AADACL2: variants seen among roughly 807,000 people sequenced by gnomAD.
AADACL2 encodes the protein arylacetamide deacetylase like 2.
AADACL2 carries 23 observed loss-of-function variants against 22.3 expected under a neutral mutation model. The observed-to-expected ratio is 1.03, with a 90% CI of 0.74 to 1.46. AADACL2 has a LOEUF of 1.46. Among genes scored for constraint, AADACL2 ranks in the 40% most tolerant of loss-of-function variants. The probability of loss-of-function intolerance (pLI) is 0.00; values close to 1 mark genes in which losing one functional copy is unlikely to be tolerated. For synonymous variants in AADACL2, 177 were observed against 166.2 expected, an observed-to-expected ratio of 1.07 and a Z score of -0.50; for missense variants, 472 against 482.9, an observed-to-expected ratio of 0.98 and a Z score of 0.21.
intron 4 of AADACL2, among the ~76,000 whole-genome samples, chr3:151,747,820 C>A (rs781688919): frequency 9.2e-5 from 14 of 152,076 alleles, no homozygotes; most frequent in Non-Finnish European, 1.6e-4. Context: ...GCTGAATCAT[C>A]TGGTAGTTCC....
Position 151,734,101 on chromosome 3 carries a change from C to T in AADACL2, c.66C>T (p.Pro22=). ...CVLFVSHFYT[P]MPDNIEESWK... Reference sequence around the variant, plus strand: ...TTTTTGTCTCTCATTTTTACACACCCATGCCAGACAACATTGAAGAAAGCT... The same window carrying T: ...TTTTTGTCTCTCATTTTTACACACCTATGCCAGACAACATTGAAGAAAGCT... The change falls in exon 1 of 5, where the codon CCC becomes CCT. Residue 22 remains proline, a synonymous_variant. Transcript: ENST00000356517. The T allele has an allele frequency of 6.2e-7, 1 of 1,613,580 alleles. No individual in the cohort carries two copies. The highest frequency in any genetic ancestry group is 1.1e-5 in the South Asian group (1 of 91,042).
At position 151,760,725 on chromosome 3, in the gene AADACL2, T is replaced by C. The variant is rs1479432244; in HGVS notation, c.*3131T>C. 1 of 152,176 alleles carries C rather than the reference T, an allele frequency of 6.6e-6. No homozygotes were observed. Among genetic ancestry groups the C allele is most frequent in the Non-Finnish European group, 1.5e-5 (1 of 68,020 alleles). The allele number at this position is 152,176 out of a possible 1,614,324, so 9.4% of individuals were successfully genotyped here. On this transcript the variant is annotated 3_prime_UTR_variant, in exon 5 of 5. Transcript: ENST00000356517. ...GTTTGCTAGAGCTGCTATAACAAAG[T>C]ATCACAAACTGAGTGCCTTAAATAA... is the stretch of plus-strand genomic sequence containing the variant.
chr3:151,760,255 C>T lies in AADACL2; in HGVS notation c.*2661C>T, dbSNP rs527997362. The T allele has an allele frequency of 6.6e-6, 1 of 152,200 alleles. No individual in the cohort carries two copies. Among genetic ancestry groups the T allele is most frequent in the East Asian group, 1.9e-4 (1 of 5,182 alleles). The allele number at this position is 152,200 out of a possible 1,614,324, so 9.4% of individuals were successfully genotyped here. The stretch of plus-strand genomic sequence containing the variant: ...CCCCATGGCATTACAGCTAAAAATT[C>T]CAACGTTTTCAGTCTCTTTGTAGCT... On this transcript the variant is annotated 3_prime_UTR_variant, in exon 5 of 5. Transcript: ENST00000356517.
intron 2 of AADACL2, 125 bp from the exon 3 acceptor site, chr3:151,743,968 T>C: frequency 3.3e-6 from 3 of 915,132 alleles, no homozygotes; most frequent in Non-Finnish European, 5.0e-6. Context: ...TGCTTGGAAA[T>C]GGGGGGTGGA....
chr3:151,757,708 T>A lies in AADACL2; in HGVS notation c.*114T>A. 1 of 1,319,062 alleles carries A rather than the reference T, an allele frequency of 7.6e-7. No individual in the cohort carries two copies. Among genetic ancestry groups the A allele is most frequent in the Non-Finnish European group, 1.0e-6 (1 of 970,254 alleles). The allele number at this position is 1,319,062 out of a possible 1,614,324, so 81.7% of individuals were successfully genotyped here. ...TTATCTAAATCTACATTTGCAACAT[T>A]TGTAGCAGTTAATGTGTGTCCTTGA... On this transcript the variant is annotated 3_prime_UTR_variant, in exon 5 of 5. Coordinates refer to ENST00000356517, the MANE Select transcript of AADACL2 (RefSeq NM_207365.4).
At chr3:151,747,767 TACTG>T (rs1333873359) in intron 4 of AADACL2, among the ~76,000 whole-genome samples, 4 of 152,154 alleles carry the variant, frequency 2.6e-5, no homozygotes, top group African/African-American at 9.6e-5. Context: ...CTCTTCACAT[TACTG>T]ACTTTGTTTC....
rs1714094595 is a variant in AADACL2, at chr3:151,760,168, A to G, written c.*2574A>G. 6.6e-6 allele frequency: 1 copy of G among 152,154 alleles called. No individual in the cohort carries two copies. Among genetic ancestry groups the G allele is most frequent in the South Asian group, 2.1e-4 (1 of 4,830 alleles). 9.4% of individuals were successfully genotyped at this position (152,154 alleles called of 1,614,324 possible). ...GTGGTATAGAAACTACCTAGCTGTA[A>G]TGATGTATCTTTTAACAAATCTAAT... On this transcript the variant is annotated 3_prime_UTR_variant, in exon 5 of 5. Transcript: ENST00000356517.
chr3:151,737,898 C>CT (rs1289256343), intron 1 of AADACL2, among the ~76,000 whole-genome samples: 2 of 152,036 alleles, frequency 1.3e-5, no homozygotes, highest in African/African-American at 4.8e-5. Flanking sequence ...TGAGTCTTGA[C>CT]TTCTTATCCA....
At chr3:151,747,684 G>A (rs374413909) in intron 4 of AADACL2, among the ~76,000 whole-genome samples, 23 of 151,464 alleles carry the variant, frequency 1.5e-4, no homozygotes, top group African/African-American at 4.6e-4. Flanking sequence ...CCATTTATCC[G>A]GCTGACAAAC....
intron 4 of AADACL2, among the ~76,000 whole-genome samples, chr3:151,750,713 A>G (rs749696307): frequency 6.6e-6 from 1 of 152,162 alleles, no homozygotes; most frequent in Non-Finnish European, 1.5e-5. Flanking sequence ...TTTAAGTATT[A>G]TAAGATTCAG....
At chr3:151,749,180 T>C (rs969953213) in intron 4 of AADACL2, among the ~76,000 whole-genome samples, 55 of 152,206 alleles carry the variant, frequency 3.6e-4, no homozygotes, top group African/African-American at 1.3e-3. Context: ...AATCTTTTCA[T>C]TTACTTGTGT....
chr3:151,735,342 G>A (rs1327060884), intron 1 of AADACL2, among the ~76,000 whole-genome samples: 1 of 152,202 alleles, frequency 6.6e-6, no homozygotes, highest in African/African-American at 2.4e-5. Flanking sequence ...GAGCTACAGA[G>A]AGTAATTTTC....
intron 4 of AADACL2, among the ~76,000 whole-genome samples, chr3:151,746,570 A>C (rs999871263): frequency 1.3e-5 from 2 of 151,956 alleles, no homozygotes; most frequent in African/African-American, 4.8e-5. Flanking sequence ...ATATAGTATT[A>C]ACTGAAGGTT....
rs1485969332 is a variant in AADACL2 at position 151,740,703 on chromosome 3, T to C, written c.196T>C (p.Phe66Leu). The change falls in exon 2 of 5, where the codon TTC (phenylalanine) becomes CTC (leucine). Residue 66 changes from phenylalanine to leucine, a missense_variant. Coordinates refer to ENST00000356517, the MANE Select transcript of AADACL2 (RefSeq NM_207365.4). ...ATATGAAGAGTTTATATCCATGATA[T>C]TCAGGCTGGATTATACCCAACCACT... Reference protein sequence around the residue: ...MRYEEFISMIFRLDYTQPLSD... With the variant: ...MRYEEFISMILRLDYTQPLSD... The C allele has an allele frequency of 1.2e-6, 2 of 1,613,926 alleles. No individual in the cohort carries two copies. The highest frequency in any genetic ancestry group is 2.2e-5 in the East Asian group (1 of 44,824).
Position 151,740,812 on chromosome 3 carries a change from C to A in AADACL2, c.305C>A (p.Thr102Asn). 6.2e-7 allele frequency: 1 copy of A among 1,613,960 alleles called. No homozygotes were observed. Among genetic ancestry groups the A allele is most frequent in the Non-Finnish European group, 8.5e-7 (1 of 1,179,952 alleles). The change falls in exon 2 of 5, where the codon ACC becomes AAC. Residue 102 changes from threonine (T) to asparagine (N), a missense_variant. Physicochemically the swap from Thr to Asn is moderately conservative, Grantham distance 65. Around this residue, in one of 3 missense-constraint regions of AADACL2, gnomAD observed 356 missense variants for 365.5 expected, o/e 0.97. Coordinates refer to ENST00000356517, the MANE Select transcript of AADACL2 (RefSeq NM_207365.4). ...TACTTGCCAAAAAGAAAGTCAGAAA[C>A]CCGAAGGCGAGCTGTGATATATTTT... ...RLYLPKRKSE[T>N]RRRAVIYFHG...
Position 151,761,206 on chromosome 3 carries a change from TA to T in AADACL2, c.*3613del, listed in dbSNP as rs1714143299. 4 of 44,030 alleles carry T rather than the reference TA, an allele frequency of 9.1e-5. No individual in the cohort carries two copies. The allele number at this position is 44,030 out of a possible 1,614,324, so 2.7% of individuals were successfully genotyped here. A position where few individuals can be genotyped will look rare whatever the true frequency, so the allele number is the denominator to read the frequency against. On this transcript the variant is annotated 3_prime_UTR_variant, in exon 5 of 5. Transcript: ENST00000356517. ...ATGGTGAGATATATACATATTGTGATATATATATATATATATATATATATAT... is the reference window on the plus strand; with the variant it reads ...ATGGTGAGATATATACATATTGTGATTATATATATATATATATATATATAT...
chr3:151,747,147 C>T (rs1019500903), intron 4 of AADACL2, among the ~76,000 whole-genome samples: 2 of 152,038 alleles, frequency 1.3e-5, no homozygotes, highest in African/African-American at 2.4e-5. Flanking sequence ...TTAAGATGTA[C>T]AACATGATGT....
rs1713956535 is a variant in AADACL2 at position 151,757,233 on chromosome 3, A to G, written c.845A>G (p.Asn282Ser). 1.9e-6 allele frequency: 3 copies of G among 1,613,748 alleles called. 1 individual carries two copies. In the South Asian group the frequency reaches 3.3e-5, roughly 18 times the overall value. The change falls in exon 5 of 5, where the codon AAC becomes AGC. Residue 282 changes from asparagine (N) to serine (S), a missense_variant. Asn to Ser is a conservative substitution (Grantham distance 46). Coordinates refer to ENST00000356517, the MANE Select transcript of AADACL2 (RefSeq NM_207365.4). The part of the protein sequence containing the change: ...LESRHLFKFV[N>S]WSILLPEKYR... ...TCAAGACATCTGTTTAAGTTTGTTA[A>G]CTGGAGTATTCTTCTTCCTGAGAAG...
At chr3:151,738,678 G>C (rs1016963698) in intron 1 of AADACL2, among the ~76,000 whole-genome samples, 13 of 152,160 alleles carry the variant, frequency 8.5e-5, no homozygotes, top group Non-Finnish European at 1.9e-4. Context: ...ATTTCTTGGA[G>C]GCTTTGTTTG....
Sources: gnomAD v4.1 joint callset for allele counts (sites outside exome capture counted in the v4.1 genomes callset) on GRCh38, gnomAD v4.1.1 for gene constraint, gnomAD v4.1.1 regional missense constraint, MANE v1.5 for transcripts, NCBI Gene and HGNC (gene_info 2026-07-23, HGNC 2026-07-21) for gene names.